The following MYO5B variants were observed in gnomAD, a reference collection of about 807,000 sequenced individuals.
MYO5B encodes unconventional myosin-Vb.
In MYO5B, 143 loss-of-function variants were observed where a neutral mutation model predicts 229.3. The ratio of observed to expected loss-of-function variants is 0.62; its 90% CI spans 0.54 to 0.72. MYO5B has a LOEUF of 0.72. Ranked by LOEUF, MYO5B falls within the 30% of genes least tolerant of loss-of-function variation. The pLI is 0.00. For synonymous variants in MYO5B, 918 were observed against 885.2 expected, an observed-to-expected ratio of 1.04 and a Z score of -0.66; for missense variants, 2,321 against 2,331.0, an observed-to-expected ratio of 1.00 and a Z score of 0.09.
intron 1 of MYO5B, among the ~76,000 whole-genome samples, chr18:50,186,207 G>C (rs183179895): frequency 1.3e-5 from 2 of 152,198 alleles, no homozygotes; most frequent in East Asian, 3.9e-4. Flanking sequence ...CAGCCTCATC[G>C]CAAGTGCTCA....
intron 1 of MYO5B, among the ~76,000 whole-genome samples, chr18:50,116,632 A>T (rs915951157): frequency 1.3e-5 from 2 of 152,132 alleles, no homozygotes; most frequent in Non-Finnish European, 1.5e-5. Flanking sequence ...TCCTAACCTC[A>T]GGTGGCTTAA....
intron 7 of MYO5B, 101 bp downstream of exon 7, chr18:49,990,338 G>C: frequency 2.0e-6 from 2 of 988,686 alleles, no homozygotes; most frequent in South Asian, 1.3e-5. Flanking sequence ...GCAGAGCCGA[G>C]ACAAGAACCC....
chr18:49,850,544 T>C (rs748366441), intron 31 of MYO5B: 20 of 152,140 alleles, frequency 1.3e-4, no homozygotes, highest in Non-Finnish European at 2.8e-4. Flanking sequence ...TTGAGAGGCA[T>C]CTAAAAACCC....
rs1240542892 is a variant in MYO5B at position 49,980,429 on chromosome 18, T to C, written c.1056+15A>G. ...ATTGTGTTCATTTTATCTCCGGTGTTGGTGTGCAACTTACTGATATACTAC... is the reference window on the plus strand; with the variant it reads ...ATTGTGTTCATTTTATCTCCGGTGTCGGTGTGCAACTTACTGATATACTAC... On this transcript the variant is annotated intron_variant, in intron 9 of 39. Coordinates refer to ENST00000285039, the MANE Select transcript of MYO5B (RefSeq NM_001080467.3). 2 of 1,547,594 alleles carry C rather than the reference T, an allele frequency of 1.3e-6. No individual in the cohort carries two copies. The highest frequency in any genetic ancestry group is 2.2e-5 in the South Asian group (2 of 89,730).
At chr18:49,998,268 C>G (rs1201948228) in intron 5 of MYO5B, among the ~76,000 whole-genome samples, 1 of 152,182 alleles carries the variant, frequency 6.6e-6, no homozygotes, top group East Asian at 1.9e-4. Context: ...TCAGGACTTA[C>G]ATAATTTCCA....
intron 30 of MYO5B, among the ~76,000 whole-genome samples, chr18:49,853,897 C>T (rs1224659197): frequency 6.6e-6 from 1 of 152,228 alleles, no homozygotes; most frequent in Non-Finnish European, 1.5e-5. Context: ...TTCTCTCGAC[C>T]CTTGTTCCTC....
chr18:50,152,442 T>A (rs1346394521), intron 1 of MYO5B, among the ~76,000 whole-genome samples: 1 of 152,262 alleles, frequency 6.6e-6, no homozygotes, highest in Non-Finnish European at 1.5e-5. Flanking sequence ...GTAAATGTGC[T>A]ACTGCTTTCA....
chr18:49,993,065 A>C (rs1468107748), intron 5 of MYO5B, among the ~76,000 whole-genome samples: 3 of 152,164 alleles, frequency 2.0e-5, no homozygotes, highest in African/African-American at 4.8e-5. Context: ...GTTACAGTTC[A>C]AAACACTAGA....
intron 1 of MYO5B, among the ~76,000 whole-genome samples, chr18:50,094,352 G>A (rs979665303): frequency 5.3e-5 from 8 of 152,166 alleles, no homozygotes; most frequent in African/African-American, 1.9e-4. Context: ...GTGTAACTCT[G>A]AGCAGGTGGG....
At position 49,937,367 on chromosome 18, in the gene MYO5B, C is replaced by T. The variant is rs1238375083; in HGVS notation, c.1783G>A (p.Asp595Asn). Residue 595 changes from aspartate (D) to asparagine (N), a missense_variant, in exon 15 of 40, where the codon GAC (aspartate) becomes AAC (asparagine). Around this residue, in one of 2 missense-constraint regions of MYO5B, gnomAD observed 2,113 missense variants for 2,044.7 expected, o/e 1.03. Transcript: ENST00000285039. ...GTGGTGGCAGGAACAGGGTCCTTGTCATCATGAAACAAGTCAGCCACTAGT... is the reference window on the plus strand; with the variant it reads ...GTGGTGGCAGGAACAGGGTCCTTGTTATCATGAAACAAGTCAGCCACTAGT... ...FPLVADLFHD[D>N]KDPVPATTPG... is the part of the protein sequence containing the mutation. 1 of 1,614,108 alleles carries T rather than the reference C, an allele frequency of 6.2e-7. No homozygotes were observed. Among genetic ancestry groups the T allele is most frequent in the African/African-American group, 1.3e-5 (1 of 75,028 alleles).
intron 5 of MYO5B, among the ~76,000 whole-genome samples, chr18:49,994,800 C>G (rs1035729964): frequency 5.3e-5 from 8 of 152,328 alleles, no homozygotes; most frequent in Admixed American, 3.9e-4. Flanking sequence ...TGATGGCAGA[C>G]TGCCAGACTT....
At chr18:50,186,824 C>T (rs934807270) in intron 1 of MYO5B, among the ~76,000 whole-genome samples, 2 of 152,138 alleles carry the variant, frequency 1.3e-5, no homozygotes, top group South Asian at 2.1e-4. Context: ...TCCAATGTGT[C>T]GGAGCTGAGA....
At chr18:50,186,836 C>T (rs913632140) in intron 1 of MYO5B, among the ~76,000 whole-genome samples, 21 of 152,210 alleles carry the variant, frequency 1.4e-4, no homozygotes, top group African/African-American at 3.1e-4. Flanking sequence ...GAGCTGAGAG[C>T]GCCACAATAT....
At chr18:49,867,309 C>T (rs774788366) in intron 27 of MYO5B, among the ~76,000 whole-genome samples, 4 of 152,128 alleles carry the variant, frequency 2.6e-5, no homozygotes, top group South Asian at 2.1e-4. Context: ...GCTTGGGTGA[C>T]GTGTGTCATC....
chr18:49,968,228 G>T (rs967486637), intron 10 of MYO5B, among the ~76,000 whole-genome samples: 5 of 152,156 alleles, frequency 3.3e-5, no homozygotes, highest in Non-Finnish European at 5.9e-5. Context: ...ACCAAACTGA[G>T]GGTCGGGCTG....
intron 31 of MYO5B, among the ~76,000 whole-genome samples, chr18:49,851,793 C>T (rs1007672499): frequency 1.3e-5 from 2 of 152,342 alleles, no homozygotes; most frequent in East Asian, 3.9e-4. Context: ...ACACTGTCTC[C>T]TCTCTGCCTG....
chr18:49,865,913 C>A lies in MYO5B; in HGVS notation c.3604-1533G>T, dbSNP rs1261188299. 3.3e-5 allele frequency among the ~76,000 whole-genome samples: 5 copies of A among 152,144 alleles called. No individual in the cohort carries two copies. In the East Asian group the frequency reaches 9.6e-4, roughly 29 times the overall value. On this transcript the variant is annotated intron_variant, in intron 27 of 39. Coordinates refer to ENST00000285039, the MANE Select transcript of MYO5B (RefSeq NM_001080467.3). ...TGGACACCATCTCCCCTAACCATAC[C>A]TCACTGGTCCCCCACACATAACCTC...
intron 17 of MYO5B, among the ~76,000 whole-genome samples, chr18:49,927,511 A>G (rs1312460795): frequency 6.6e-6 from 1 of 152,228 alleles, no homozygotes; most frequent in Non-Finnish European, 1.5e-5. Context: ...CTGTAAGGCC[A>G]CAGTCACCAA....
At chr18:49,928,333 T>TAA (rs1217735470) in intron 17 of MYO5B, among the ~76,000 whole-genome samples, 3 of 152,188 alleles carry the variant, frequency 2.0e-5, no homozygotes, top group African/African-American at 7.2e-5. Context: ...GGATATTCCT[T>TAA]AAAGAACTAA....
Sources: allele counts gnomAD v4.1 joint callset (sites outside exome capture counted in the v4.1 genomes callset), GRCh38; gene constraint gnomAD v4.1.1; regional missense constraint gnomAD v4.1.1; transcripts MANE v1.5; gene names NCBI Gene and HGNC (gene_info 2026-07-23, HGNC 2026-07-21).